PLA2G4A: variants seen among roughly 807,000 people sequenced by gnomAD.
The protein encoded by PLA2G4A is cytosolic phospholipase A2.
PLA2G4A carries 40 observed loss-of-function variants against 81.9 expected under a neutral mutation model. That is an observed-to-expected ratio of 0.49 (90% confidence interval 0.38 to 0.64). The LOEUF is 0.64. Ranked by LOEUF, PLA2G4A falls within the 30% of genes least tolerant of loss-of-function variation. The pLI is 0.00. For missense variants in PLA2G4A, 715 were observed against 905.1 expected (o/e 0.79, Z 2.69); for synonymous variants, 302 against 296.9 (o/e 1.02, Z -0.18).
chr1:186,974,534 C>G lies in PLA2G4A; in HGVS notation c.1765-3059C>G, dbSNP rs749355990. 3.5e-4 allele frequency among the ~76,000 whole-genome samples: 54 copies of G among 152,156 alleles called. 1 individual carries two copies. Among genetic ancestry groups the G allele is most frequent in the Admixed American group, 1.1e-3 (17 of 15,268 alleles). On this transcript the variant is annotated intron_variant, in intron 15 of 17. Transcript: ENST00000367466. ...TGAGCACAGACATCTTACGAAGTAT[C>G]TCTTTGAAGGATACTGTCAAATTTT...
intron 3 of PLA2G4A, among the ~76,000 whole-genome samples, chr1:186,877,361 G>A (rs372463149): frequency 4.0e-5 from 6 of 151,858 alleles, no homozygotes; most frequent in Admixed American, 6.6e-5. Context: ...CAATTGTTTC[G>A]AACACAATTA....
At chr1:186,841,015 C>A (rs1571324445) in intron 1 of PLA2G4A, among the ~76,000 whole-genome samples, 1 of 152,158 alleles carries the variant, frequency 6.6e-6, no homozygotes, top group African/African-American at 2.4e-5. Context: ...TATTTATAAC[C>A]TGTTAACAGT....
At chr1:186,858,919 G>A (rs74877813) in intron 2 of PLA2G4A, among the ~76,000 whole-genome samples, 2 of 124,486 alleles carry the variant, frequency 1.6e-5, no homozygotes, top group South Asian at 2.2e-4. Context: ...GGGTGTGTGC[G>A]TGTGTGTGTG....
chr1:186,870,578 G>A (rs1185535399), intron 3 of PLA2G4A, 62 bp downstream of exon 3: 2 of 1,258,830 alleles, frequency 1.6e-6, no homozygotes, highest in Non-Finnish European at 2.3e-6. Context: ...TTAATTGCTT[G>A]AGTTCCTTGA....
At chr1:186,964,957 C>T (rs903696660) in intron 14 of PLA2G4A, among the ~76,000 whole-genome samples, 1 of 152,214 alleles carries the variant, frequency 6.6e-6, no homozygotes, top group African/African-American at 2.4e-5. Context: ...GTTGTGCCAC[C>T]TTCGAGATGA....
chr1:186,892,594 G>A (rs1654184757), intron 3 of PLA2G4A, among the ~76,000 whole-genome samples: 1 of 152,146 alleles, frequency 6.6e-6, no homozygotes, highest in East Asian at 1.9e-4. Context: ...TGTCAAAAAT[G>A]AGTTCACAGT....
At position 186,901,944 on chromosome 1, in the gene PLA2G4A, C is replaced by T. The variant is rs190556550; in HGVS notation, c.379-5021C>T. ...GTTTTACTAAAAATATTATGTGTAG[C>T]TATATGTTGCTTAACAATGGGGATA... On this transcript the variant is annotated intron_variant, in intron 5 of 17. Transcript: ENST00000367466. Among the ~76,000 whole-genome samples, 469 of 152,240 alleles carry T rather than the reference C, an allele frequency of 3.1e-3. 3 individuals carry two copies. The highest frequency in any genetic ancestry group is 0.011 in the African/African-American group (450 of 41,524).
rs766090719 is a variant in PLA2G4A, at chr1:186,894,194, C to G, written c.361C>G (p.Pro121Ala). Residue 121 changes from proline (P) to alanine (A), a missense_variant, in exon 5 of 18, where the codon CCT (proline) becomes GCT (alanine). By Grantham distance (27) the Pro-to-Ala change is conservative. Transcript: ENST00000367466. ...GAAGGTGGGAGAAAAGAAAGAAGTT[C>G]CTTTTATTTTCAACCAAGTAAGTAA... ...SMKVGEKKEV[P>A]FIFNQVTEMV... The G allele has an allele frequency of 7.6e-7, 1 of 1,312,206 alleles. No individual in the cohort carries two copies. Among genetic ancestry groups the G allele is most frequent in the Admixed American group, 1.7e-5 (1 of 59,656 alleles). 81.3% of individuals were successfully genotyped at this position (1,312,206 alleles called of 1,614,324 possible).
At chr1:186,949,335 G>GAAGAAAGAAAGAGA (rs1375548091) in intron 12 of PLA2G4A, among the ~76,000 whole-genome samples, 8 of 124,954 alleles carry the variant, frequency 6.4e-5, no homozygotes, top group Non-Finnish European at 9.6e-5. Context: ...AGGAAGGAAA[G>GAAGAAAGAAAGAGA]AAGAAAGAAA....
In PLA2G4A at chr1:186,940,010, GA is replaced by G; in HGVS notation, c.954del (p.Val319LeufsTer23). On this transcript the variant is annotated frameshift_variant, in exon 10 of 18. Transcript: ENST00000367466. LOFTEE classifies it high-confidence loss of function. Reference protein sequence around the residue: ...RMNTTLSSLKEKVNTAQCPLP... With the variant: ...RMNTTLSSLKXKVNTAQCPLP... ...GAATACTACTCTGAGCAGTTTGAAG[GA>G]AAAAGTTAATACTGCACAATGCCCT... is the stretch of plus-strand genomic sequence containing the variant. 1 of 1,598,980 alleles carries G rather than the reference GA, an allele frequency of 6.3e-7. No homozygotes were observed. The highest frequency in any genetic ancestry group is 8.6e-7 in the Non-Finnish European group (1 of 1,166,452).
intron 15 of PLA2G4A, among the ~76,000 whole-genome samples, chr1:186,972,557 G>A (rs1657394610): frequency 6.6e-6 from 1 of 152,192 alleles, no homozygotes; most frequent in Admixed American, 6.5e-5. Context: ...CTTTTAGGGA[G>A]AGTGATAGAT....
intron 5 of PLA2G4A, among the ~76,000 whole-genome samples, chr1:186,901,085 A>T (rs753117813): frequency 2.6e-5 from 4 of 152,226 alleles, no homozygotes; most frequent in Non-Finnish European, 4.4e-5. Flanking sequence ...TTGAAAACAA[A>T]GAGGGCAATT....
At chr1:186,931,828 A>T (rs1655757476) in intron 7 of PLA2G4A, among the ~76,000 whole-genome samples, 1 of 152,036 alleles carries the variant, frequency 6.6e-6, no homozygotes, top group South Asian at 2.1e-4. Flanking sequence ...TTCTTCCTTC[A>T]CCTAAATTCA....
At chr1:186,920,511 G>A (rs932153695) in intron 7 of PLA2G4A, among the ~76,000 whole-genome samples, 1 of 152,198 alleles carries the variant, frequency 6.6e-6, no homozygotes, top group African/African-American at 2.4e-5. Context: ...CCTTGGGGGC[G>A]CTTGAGCCCG....
At chr1:186,913,712 A>G (rs1410661385) in intron 7 of PLA2G4A, among the ~76,000 whole-genome samples, 1 of 152,238 alleles carries the variant, frequency 6.6e-6, no homozygotes, top group African/African-American at 2.4e-5. Flanking sequence ...GTAGGAATTA[A>G]TTTCATTAAG....
At position 186,881,641 on chromosome 1, in the gene PLA2G4A, A is replaced by C. The variant is rs1484432449; in HGVS notation, c.115+11125A>C. Among the ~76,000 whole-genome samples, 3 of 152,196 alleles carry C rather than the reference A, an allele frequency of 2.0e-5. No individual in the cohort carries two copies. In the East Asian group the frequency reaches 5.8e-4, roughly 29 times the overall value. ...GGTAAGCTGAGGTTCAGGTTTTTTTAATATAAAATTAATACTTACAAATAA... is the reference window on the plus strand; with the variant it reads ...GGTAAGCTGAGGTTCAGGTTTTTTTCATATAAAATTAATACTTACAAATAA... On this transcript the variant is annotated intron_variant, in intron 3 of 17. Transcript: ENST00000367466.
In PLA2G4A at chr1:186,954,592, A is replaced by AAT. The variant is rs1656681079; in HGVS notation, c.1337-1503_1337-1502dup. 2.0e-5 allele frequency among the ~76,000 whole-genome samples: 3 copies of AAT among 152,070 alleles called. No individual in the cohort carries two copies. The South Asian group carries it at 6.2e-4, about 32-fold the overall frequency. ...ACCCTATAATTTTAAGTGTAATAAA[A>AAT]ATATATATTTATTATGGTTTTATGT... is the stretch of plus-strand genomic sequence containing the variant. On this transcript the variant is annotated intron_variant, in intron 13 of 17. Transcript: ENST00000367466.
At chr1:186,942,480 T>TA (rs1656189083) in intron 10 of PLA2G4A, among the ~76,000 whole-genome samples, 1 of 152,154 alleles carries the variant, frequency 6.6e-6, no homozygotes, top group African/African-American at 2.4e-5. Flanking sequence ...CTCCTTATTT[T>TA]AAAAAATATA....
Position 186,893,060 on chromosome 1 carries a change from C to G in PLA2G4A, c.165C>G (p.Asp55Glu). The G allele has an allele frequency of 6.2e-7, 1 of 1,609,038 alleles. No homozygotes were observed. Among genetic ancestry groups the G allele is most frequent in the Admixed American group, 1.7e-5 (1 of 60,022 alleles). Residue 55 changes from aspartate to glutamate, a missense_variant, in exon 4 of 18, where the codon GAC (aspartate) becomes GAG (glutamate). By Grantham distance (45) the Asp-to-Glu change is conservative (BLOSUM62 2). Transcript: ENST00000367466. The stretch of plus-strand genomic sequence containing the variant: ...AACTTTTTATCTCTACAACCCCTGA[C>G]AGCAGGAAGAGAACAAGACATTTCA... ...YVELFISTTP[D>E]SRKRTRHFNN...
Sources: allele counts gnomAD v4.1 joint callset (sites outside exome capture counted in the v4.1 genomes callset), GRCh38; gene constraint gnomAD v4.1.1; transcripts MANE v1.5; gene names NCBI Gene and HGNC (gene_info 2026-07-23, HGNC 2026-07-21).